NR3C1: variants seen among roughly 807,000 people sequenced by gnomAD.
NR3C1 encodes glucocorticoid receptor.
NR3C1 carries 14 observed loss-of-function variants against 74.0 expected under a neutral mutation model. The observed-to-expected ratio is 0.19, with a 90% CI of 0.12 to 0.30. NR3C1 has a LOEUF of 0.30. Among genes scored for constraint, NR3C1 ranks in the 10% least tolerant of loss-of-function variants. NR3C1 has a pLI of 1.00. For missense variants in NR3C1, 695 were observed against 909.8 expected (o/e 0.76, Z 3.04); for synonymous variants, 308 against 332.5 (o/e 0.93, Z 0.80).
rs1813362242 is a variant in NR3C1 at position 143,282,667 on chromosome 5, G to T, written c.2082C>A (p.Ile694=). ...TGACAATGGCTTTTCCTAGCTCTTTGATGTAGGTCATTCTAATTTCATCAA... is the reference window on the plus strand; with the variant it reads ...TGACAATGGCTTTTCCTAGCTCTTTTATGTAGGTCATTCTAATTTCATCAA... ...ELFDEIRMTY[I]KELGKAIVKR... The change falls in exon 8 of 9, where the codon ATC becomes ATA. Residue 694 remains isoleucine (I), a synonymous_variant. Transcript: ENST00000394464. The T allele has an allele frequency of 6.2e-7, 1 of 1,613,772 alleles. No homozygotes were observed. Among genetic ancestry groups the T allele is most frequent in the Non-Finnish European group, 8.5e-7 (1 of 1,179,926 alleles).
At chr5:143,332,475 TG>T in intron 2 of NR3C1, 1 of 536,530 alleles carries the variant, frequency 1.9e-6, no homozygotes, top group South Asian at 2.7e-5. Context: ...CCTGATGAGT[TG>T]ATAGGTACAG....
chr5:143,387,829 C>G (rs1375030018), intron 2 of NR3C1, among the ~76,000 whole-genome samples: 3 of 152,104 alleles, frequency 2.0e-5, no homozygotes, highest in Non-Finnish European at 4.4e-5. Context: ...TTTGAAAATT[C>G]AGGCAAAAAT....
chr5:143,369,460 A>G (rs532788198), intron 2 of NR3C1, among the ~76,000 whole-genome samples: 2 of 152,252 alleles, frequency 1.3e-5, no homozygotes, highest in South Asian at 4.1e-4. Context: ...CCATCAGCTA[A>G]GGAGTGGATA....
intron 2 of NR3C1, among the ~76,000 whole-genome samples, chr5:143,344,925 A>G (rs1266233702): frequency 6.6e-6 from 1 of 152,054 alleles, no homozygotes; most frequent in African/African-American, 2.4e-5. Flanking sequence ...ATGCCTGCCC[A>G]GCTCTGTCCA....
chr5:143,284,721 C>A (rs964547546), intron 7 of NR3C1, among the ~76,000 whole-genome samples: 2 of 151,990 alleles, frequency 1.3e-5, no homozygotes, highest in Non-Finnish European at 2.9e-5. Context: ...GCCTGGAATT[C>A]CCCTCCTACT....
At chr5:143,403,902 C>T, upstream of NR3C1, 1 of 981,688 alleles carries the variant, frequency 1.0e-6, no homozygotes, top group African/African-American at 1.8e-5. Flanking sequence ...CCTGGCGTGG[C>T]CGCCCCGCCC....
intron 2 of NR3C1, among the ~76,000 whole-genome samples, chr5:143,325,431 G>C (rs1251980952): frequency 6.6e-6 from 1 of 152,168 alleles, no homozygotes; most frequent in African/African-American, 2.4e-5. Context: ...CAACACATAG[G>C]AATTCTGGGA....
intron 2 of NR3C1, among the ~76,000 whole-genome samples, chr5:143,358,627 C>T (rs893244959): frequency 1.6e-4 from 24 of 152,180 alleles, no homozygotes; most frequent in African/African-American, 5.6e-4. Flanking sequence ...CTTGGCCGGG[C>T]GCGGTGGCTC....
At chr5:143,310,948 G>C (rs953668791) in intron 3 of NR3C1, among the ~76,000 whole-genome samples, 3 of 152,296 alleles carry the variant, frequency 2.0e-5, no homozygotes, top group Admixed American at 1.3e-4. Context: ...GAGCCACCAC[G>C]CCCAGCCAAT....
intron 1 of NR3C1, chr5:143,402,881 T>C (rs1436097651): frequency 1.0e-6 from 1 of 962,356 alleles, no homozygotes. Flanking sequence ...AAGGGGACAC[T>C]AGGGGGAGAA....
chr5:143,392,429 T>A (rs1561759571), intron 2 of NR3C1, among the ~76,000 whole-genome samples: 1 of 152,238 alleles, frequency 6.6e-6, no homozygotes, highest in Non-Finnish European at 1.5e-5. Flanking sequence ...ATTTAAAGAT[T>A]CGCTGTTGAC....
At chr5:143,356,812 T>A (rs1273295948) in intron 2 of NR3C1, among the ~76,000 whole-genome samples, 1 of 152,216 alleles carries the variant, frequency 6.6e-6, no homozygotes, top group East Asian at 1.9e-4. Context: ...TGTACGTTAC[T>A]TTTCCTTTTA....
At chr5:143,398,730 G>A (rs1302426348) in intron 2 of NR3C1, among the ~76,000 whole-genome samples, 2 of 152,038 alleles carry the variant, frequency 1.3e-5, no homozygotes, top group African/African-American at 2.4e-5. Context: ...CTGAATTGGG[G>A]ATGAGGTTAC....
chr5:143,312,986 T>C (rs953832890), intron 3 of NR3C1, among the ~76,000 whole-genome samples: 48 of 152,368 alleles, frequency 3.2e-4, no homozygotes, highest in African/African-American at 1.1e-3. Context: ...AGTAATTTTA[T>C]AATTTGCTAA....
At chr5:143,377,823 T>G (rs918212149) in intron 2 of NR3C1, among the ~76,000 whole-genome samples, 7 of 152,266 alleles carry the variant, frequency 4.6e-5, no homozygotes, top group African/African-American at 1.7e-4. Context: ...ACTAGTCCAT[T>G]TTTGTAGGTT....
chr5:143,366,139 G>A (rs979145642), intron 2 of NR3C1, among the ~76,000 whole-genome samples: 5 of 152,020 alleles, frequency 3.3e-5, no homozygotes, highest in African/African-American at 1.2e-4. Context: ...GCAAGCATAA[G>A]GAAGAAAATA....
intron 6 of NR3C1, 141 bp from the exon 7 acceptor site, chr5:143,295,731 A>C (rs1817027268): frequency 1.4e-6 from 1 of 703,948 alleles, no homozygotes; most frequent in Non-Finnish European, 2.5e-6. Flanking sequence ...ATTCCCTATA[A>C]AATCAGAATT....
chr5:143,306,607 A>G, intron 4 of NR3C1, among the ~76,000 whole-genome samples: 1 of 152,190 alleles, frequency 6.6e-6, no homozygotes, highest in African/African-American at 2.4e-5. Context: ...CACGGTACAT[A>G]TCATAGTAGG....
chr5:143,404,138 G>T (rs1217551439), upstream of NR3C1: 3 of 985,384 alleles, frequency 3.0e-6, no homozygotes, highest in Non-Finnish European at 3.6e-6. Flanking sequence ...GTGCCCCTGC[G>T]GGTGACAGCG....
Sources: gnomAD v4.1 joint callset for allele counts (sites outside exome capture counted in the v4.1 genomes callset) on GRCh38, gnomAD v4.1.1 for gene constraint, MANE v1.5 for transcripts, NCBI Gene and HGNC (gene_info 2026-07-23, HGNC 2026-07-21) for gene names.